Variants in SLC6A16 observed in about 807,000 individuals in gnomAD.
The protein encoded by SLC6A16 is solute carrier family 6 member 16.
In SLC6A16, 54 loss-of-function variants were observed where a neutral mutation model predicts 65.4. The observed-to-expected ratio is 0.83, with a 90% CI of 0.66 to 1.04. SLC6A16 has a LOEUF of 1.04. Among genes scored for constraint, SLC6A16 ranks in the 50% least tolerant of loss-of-function variants. SLC6A16 has a pLI of 0.00. For missense variants in SLC6A16, 816 were observed against 914.0 expected (o/e 0.89, Z 1.38); for synonymous variants, 330 against 346.5 (o/e 0.95, Z 0.53).
chr19:49,328,016 T>C (rs1453265037), upstream of SLC6A16, among the ~76,000 whole-genome samples: 1 of 151,932 alleles, frequency 6.6e-6, no homozygotes, highest in Non-Finnish European at 1.5e-5. Context: ...TTTTTCTGGG[T>C]GAGATGAAAG....
intron 7 of SLC6A16, among the ~76,000 whole-genome samples, chr19:49,296,867 T>C (rs1055712620): frequency 5.3e-5 from 8 of 152,116 alleles, no homozygotes; most frequent in Admixed American, 2.0e-4. Context: ...CGGGCGCCTG[T>C]AGTCCCAGCT....
At chr19:49,324,363 A>G (rs974383766) in intron 1 of SLC6A16, among the ~76,000 whole-genome samples, 3 of 152,128 alleles carry the variant, frequency 2.0e-5, no homozygotes, top group Non-Finnish European at 4.4e-5. Flanking sequence ...TAATAGATTC[A>G]TGTTTCTTAA....
the SLC6A16 span, chr19:49,337,827 C>T: frequency 1.3e-6 from 2 of 1,584,032 alleles, no homozygotes; most frequent in Non-Finnish European, 1.7e-6. Flanking sequence ...TTGAGACTGG[C>T]CCAGAGATGC....
intron 7 of SLC6A16, among the ~76,000 whole-genome samples, chr19:49,300,163 C>A (rs1274817298): frequency 6.6e-6 from 1 of 152,020 alleles, no homozygotes; most frequent in East Asian, 1.9e-4. Context: ...ACAATAATAT[C>A]TTTGCATTTT....
chr19:49,316,725 A>G (rs1250328979), intron 1 of SLC6A16, among the ~76,000 whole-genome samples: 1 of 152,108 alleles, frequency 6.6e-6, no homozygotes, highest in Non-Finnish European at 1.5e-5. Flanking sequence ...AAGAACAAGA[A>G]TGATGAAGGA....
intron 1 of SLC6A16, among the ~76,000 whole-genome samples, chr19:49,322,205 T>G (rs567660533): frequency 1.3e-5 from 2 of 152,270 alleles, no homozygotes; most frequent in South Asian, 4.1e-4. Context: ...TTTGAGCTAA[T>G]AAATGAATTC....
chr19:49,290,364 G>A lies in SLC6A16; in HGVS notation c.1970C>T (p.Pro657Leu), dbSNP rs1029829819. 1.5e-5 allele frequency: 24 copies of A among 1,613,634 alleles called. No individual in the cohort carries two copies. Among genetic ancestry groups the A allele is most frequent in the South Asian group, 2.2e-5 (2 of 91,052 alleles). ...TSKEVLRPYP[P>L]WALLLMITLF... is the part of the protein sequence containing the mutation. ...GGTGATCATCAAGAGCAGTGCCCAC[G>A]GTGGGTATGGTCGAAGCACCTCTTT... Residue 657 changes from proline to leucine, a missense_variant, in exon 12 of 12, where the codon CCG becomes CTG. Transcript: ENST00000335875.
chr19:49,293,811 G>C lies in SLC6A16; in HGVS notation c.1618+16C>G. The C allele has an allele frequency of 6.2e-7, 1 of 1,608,830 alleles. No homozygotes were observed. The highest frequency in any genetic ancestry group is 1.1e-5 in the South Asian group (1 of 90,798). On this transcript the variant is annotated intron_variant, in intron 9 of 11. Transcript: ENST00000335875. ...GGTCAGGGTCATTGTTAGGAGTAGG[G>C]CCTAGGTCAGAGTACCTATGAGCAG...
chr19:49,338,560 C>A, the SLC6A16 span: 1 of 679,314 alleles, frequency 1.5e-6, no homozygotes, highest in South Asian at 1.7e-5. The surrounding 1 kb of genome is among the most constrained non-coding windows in gnomAD (Gnocchi z 5.0). Flanking sequence ...CATCGTGACC[C>A]CAGCCCACTG....
At chr19:49,337,728 G>A in the SLC6A16 span, 1 of 1,535,892 alleles carries the variant, frequency 6.5e-7, no homozygotes, top group South Asian at 1.2e-5. Flanking sequence ...CGCCCTGAAA[G>A]AAGAGACAGA....
intron 7 of SLC6A16, among the ~76,000 whole-genome samples, chr19:49,298,186 A>G (rs1021144442): frequency 1.3e-5 from 2 of 152,204 alleles, no homozygotes; most frequent in African/African-American, 4.8e-5. Context: ...GTTAAAAGGT[A>G]CCTGTGCATT....
upstream of SLC6A16, among the ~76,000 whole-genome samples, chr19:49,326,382 C>T (rs1970797583): frequency 6.6e-6 from 1 of 152,060 alleles, no homozygotes; most frequent in Admixed American, 6.6e-5. Flanking sequence ...CAAATAATAT[C>T]TTAGTAGTAT....
At position 49,311,040 on chromosome 19, in the gene SLC6A16, C is replaced by T. The variant is rs200422926; in HGVS notation, c.308G>A (p.Arg103His). The change falls in exon 2 of 12, where the codon CGT becomes CAT. Residue 103 changes from arginine to histidine, a missense_variant. Physicochemically the swap from Arg to His is conservative, Grantham distance 29. Coordinates refer to ENST00000335875, the MANE Select transcript of SLC6A16 (RefSeq NM_014037.3). ...EKKESEVLLA[R>H]PFWSSKTEYI... ...CTCAGTTTTGCTGGACCAGAACGGA[C>T]GGGCAAGGAGGACCTCACTCTCTTT... 30 of 1,614,186 alleles carry T rather than the reference C, an allele frequency of 1.9e-5. No homozygotes were observed. Among genetic ancestry groups the T allele is most frequent in the East Asian group, 6.7e-5 (3 of 44,884 alleles).
At chr19:49,338,879 G>A in the SLC6A16 span, 14 of 1,614,014 alleles carry the variant, frequency 8.7e-6, no homozygotes, top group African/African-American at 1.3e-5. The surrounding 1 kb of genome is among the most constrained non-coding windows in gnomAD (Gnocchi z 5.0). Context: ...ACCTGGCGCG[G>A]TCCAGACACA....
intron 7 of SLC6A16, among the ~76,000 whole-genome samples, chr19:49,302,351 A>G (rs1453799260): frequency 1.3e-5 from 2 of 152,104 alleles, no homozygotes; most frequent in African/African-American, 2.4e-5. Context: ...GACCTCCCAC[A>G]GCTGTTGCCA....
chr19:49,290,650 A>T lies in SLC6A16; in HGVS notation c.1896T>A (p.His632Gln), dbSNP rs1308978950. The change falls in exon 11 of 12, where the codon CAT (histidine) becomes CAA (glutamine). Residue 632 changes from histidine to glutamine, a missense_variant. His to Gln is a conservative substitution (Grantham distance 24, BLOSUM62 0). Coordinates refer to ENST00000335875, the MANE Select transcript of SLC6A16 (RefSeq NM_014037.3). Reference sequence around the variant, plus strand: ...TGTAGGTGATCGGCTTCATACAAAGATGAACCATCATGGTCACAAAGATGA... The same window carrying T: ...TGTAGGTGATCGGCTTCATACAAAGTTGAACCATCATGGTCACAAAGATGA... ...LLIIFVTMMV[H>Q]LCMKPITYMS... 1 of 1,614,148 alleles carries T rather than the reference A, an allele frequency of 6.2e-7. No individual in the cohort carries two copies. Among genetic ancestry groups the T allele is most frequent in the East Asian group, 2.2e-5 (1 of 44,874 alleles).
Position 49,293,728 on chromosome 19 carries a change from C to T in SLC6A16, c.1618+99G>A, listed in dbSNP as rs1018637803. On this transcript the variant is annotated intron_variant, in intron 9 of 11. Transcript: ENST00000335875. ...GCAGTAAGCCGAGATCACACCACTG[C>T]ACTCCAGCCTGGGCTACAGGGACCC... The T allele has an allele frequency of 7.0e-5, 73 of 1,036,576 alleles. 2 individuals carry two copies. In the South Asian group the frequency reaches 8.6e-4, roughly 12 times the overall value. 64.2% of individuals were successfully genotyped at this position (1,036,576 alleles called of 1,614,324 possible). A position where few individuals can be genotyped will look rare whatever the true frequency, so the allele number is the denominator to read the frequency against.
At chr19:49,293,049 T>A (rs940361813) in intron 10 of SLC6A16, 174 bp downstream of exon 10, 1 of 580,668 alleles carries the variant, frequency 1.7e-6, no homozygotes, top group African/African-American at 1.9e-5. Context: ...TGGCACATAT[T>A]CAGCACCCAA....
chr19:49,292,536 C>T lies in SLC6A16; in HGVS notation c.1778+687G>A, dbSNP rs945477030. ...TGTCATTCTCCTACTCAAAACCCTC[C>T]AATGCTTCATCTGCCATTCTGCATA... On this transcript the variant is annotated intron_variant, in intron 10 of 11. Coordinates refer to ENST00000335875, the MANE Select transcript of SLC6A16 (RefSeq NM_014037.3). The surrounding 1 kb of genome is among the most constrained non-coding windows in gnomAD (Gnocchi z 4.3). 1.3e-5 allele frequency among the ~76,000 whole-genome samples: 2 copies of T among 152,156 alleles called. No individual in the cohort carries two copies. Among genetic ancestry groups the T allele is most frequent in the African/African-American group, 4.8e-5 (2 of 41,444 alleles).
Sources: gnomAD v4.1 joint callset for allele counts (sites outside exome capture counted in the v4.1 genomes callset) on GRCh38, gnomAD v4.1.1 for gene constraint, Gnocchi (gnomAD v3.1) non-coding constraint, MANE v1.5 for transcripts, NCBI Gene and HGNC (gene_info 2026-07-23, HGNC 2026-07-21) for gene names.